Variants in LSM4 observed in about 807,000 individuals in gnomAD.
LSM4 encodes LSM4 homolog, U6 small nuclear RNA and mRNA degradation associated.
LSM4 carries 15 observed loss-of-function variants against 22.3 expected under a neutral mutation model. That is an observed-to-expected ratio of 0.67 (90% CI 0.45 to 1.03). LSM4 has a LOEUF of 1.03. Among genes scored for constraint, LSM4 ranks in the 50% least tolerant of loss-of-function variants. The pLI, the probability that LSM4 is intolerant of heterozygous loss-of-function variation, is 0.00. For synonymous variants in LSM4, 90 were observed against 79.8 expected, an observed-to-expected ratio of 1.13 and a Z score of -0.68; for missense variants, 127 against 198.0, an observed-to-expected ratio of 0.64 and a Z score of 2.15.
At chr19:18,321,219 A>G (rs1970421416) in intron 1 of LSM4, among the ~76,000 whole-genome samples, 1 of 152,226 alleles carries the variant, frequency 6.6e-6, no homozygotes, top group Admixed American at 6.5e-5. Flanking sequence ...CTGGGAATCT[A>G]GTCGGAAGAA....
intron 3 of LSM4, chr19:18,310,166 G>C: frequency 2.6e-6 from 1 of 389,864 alleles, no homozygotes; most frequent in Non-Finnish European, 4.6e-6. Context: ...TGGCTGACTG[G>C]GGCTCCCTCC....
intron 1 of LSM4, among the ~76,000 whole-genome samples, chr19:18,322,319 G>A (rs529781774): frequency 3.5e-4 from 53 of 152,238 alleles, no homozygotes; most frequent in South Asian, 1.0e-3. Flanking sequence ...CTGCACAGTG[G>A]GGGACACGGG....
intron 4 of LSM4, among the ~76,000 whole-genome samples, chr19:18,307,964 A>C (rs527531158): frequency 6.6e-6 from 1 of 151,656 alleles, no homozygotes; most frequent in Admixed American, 6.6e-5. Context: ...GGGGCCTCCT[A>C]TGCGCCACAA....
At chr19:18,312,047 T>C (rs1247257203) in intron 3 of LSM4, 2 of 157,952 alleles carry the variant, frequency 1.3e-5, no homozygotes, top group Non-Finnish European at 2.8e-5. Context: ...CTGTGGGTCA[T>C]CCCAGGGGCA....
At chr19:18,313,796 A>C (rs1160931005) in intron 2 of LSM4, among the ~76,000 whole-genome samples, 1 of 152,108 alleles carries the variant, frequency 6.6e-6, no homozygotes, top group Non-Finnish European at 1.5e-5. Flanking sequence ...GATTATAGGC[A>C]TTAGCCACCA....
chr19:18,316,798 G>T (rs1306342684), intron 1 of LSM4, among the ~76,000 whole-genome samples: 2 of 152,124 alleles, frequency 1.3e-5, no homozygotes, highest in Non-Finnish European at 2.9e-5. Context: ...AGCTGGCCTG[G>T]TCCTGTCTGT....
At position 18,314,446 on chromosome 19, in the gene LSM4, G is replaced by C. The variant is rs1266402892; in HGVS notation, c.45+1578C>G. 3.3e-5 allele frequency among the ~76,000 whole-genome samples: 5 copies of C among 151,862 alleles called. No homozygotes were observed. The South Asian group carries it at 1.0e-3, about 32-fold the overall frequency. ...GGAGGCTGAGGCAGGAAAATGGCGT[G>C]AAACCAGGAGGCGGAGCTTGCAGTG... On this transcript the variant is annotated intron_variant, in intron 2 of 4. Transcript: ENST00000593829.
At chr19:18,322,707 T>C (rs1037069020) in intron 1 of LSM4, among the ~76,000 whole-genome samples, 1 of 151,516 alleles carries the variant, frequency 6.6e-6, no homozygotes, top group Non-Finnish European at 1.5e-5. Context: ...AACTCTCTGC[T>C]GCATTTGGCG....
intron 1 of LSM4, among the ~76,000 whole-genome samples, chr19:18,321,447 C>T (rs1011027250): frequency 3.9e-5 from 6 of 152,188 alleles, no homozygotes; most frequent in African/African-American, 4.8e-5. Context: ...CTAACCTTTA[C>T]GCCATCTTTG....
chr19:18,309,994 C>A, intron 3 of LSM4, 133 bp from the exon 4 acceptor site: 1 of 810,012 alleles, frequency 1.2e-6, no homozygotes, highest in Non-Finnish European at 1.9e-6. Context: ...GTATCAGTCC[C>A]GGGACATACG....
Position 18,307,128 on chromosome 19 carries a change from G to A in LSM4, c.*336C>T. On this transcript the variant is annotated 3_prime_UTR_variant, in exon 5 of 5. Transcript: ENST00000593829. Reference sequence around the variant, plus strand: ...TCCCGTCTGGTTGCTGCTCGGAGAGGCTCCAAGAAATGCAAAACAAACCCG... The same window carrying A: ...TCCCGTCTGGTTGCTGCTCGGAGAGACTCCAAGAAATGCAAAACAAACCCG... 1 of 253,416 alleles carries A rather than the reference G, an allele frequency of 3.9e-6. No individual in the cohort carries two copies. The highest frequency in any genetic ancestry group is 7.5e-6 in the Non-Finnish European group (1 of 133,970). The allele number at this position is 253,416 out of a possible 1,614,324, so 15.7% of individuals were successfully genotyped here. A position where few individuals can be genotyped will look rare whatever the true frequency, so the allele number is the denominator to read the frequency against.
intron 1 of LSM4, among the ~76,000 whole-genome samples, chr19:18,317,425 C>T (rs1159991752): frequency 5.3e-5 from 8 of 151,534 alleles, no homozygotes; most frequent in East Asian, 1.9e-4. Flanking sequence ...CTCCGCCTCC[C>T]GGGTTCATGC....
In LSM4 at chr19:18,312,946, C is replaced by T. The variant is rs374473285; in HGVS notation, c.46-244G>A. On this transcript the variant is annotated intron_variant, in intron 2 of 4. Transcript: ENST00000593829. Reference sequence around the variant, plus strand: ...AATTAAAAAATGATACTGGGCCGGGCGCGGTGGCTCACGCCTGTAATCCCA... The same window carrying T: ...AATTAAAAAATGATACTGGGCCGGGTGCGGTGGCTCACGCCTGTAATCCCA... Among the ~76,000 whole-genome samples the T allele has an allele frequency of 1.3e-3, 200 of 152,334 alleles. 1 individual carries two copies. The highest frequency in any genetic ancestry group is 4.3e-3 in the African/African-American group (180 of 41,574).
chr19:18,307,129 C>A lies in LSM4; in HGVS notation c.*335G>T, dbSNP rs1970235203. 7.8e-6 allele frequency: 2 copies of A among 255,666 alleles called. No homozygotes were observed. Among genetic ancestry groups the A allele is most frequent in the Admixed American group, 5.5e-5 (1 of 18,256 alleles). The allele number at this position is 255,666 out of a possible 1,614,324, so 15.8% of individuals were successfully genotyped here. ...CCCGTCTGGTTGCTGCTCGGAGAGG[C>A]TCCAAGAAATGCAAAACAAACCCGC... is the stretch of plus-strand genomic sequence containing the variant. On this transcript the variant is annotated 3_prime_UTR_variant, in exon 5 of 5. Coordinates refer to ENST00000593829, the MANE Select transcript of LSM4 (RefSeq NM_012321.5).
chr19:18,313,973 T>G (rs191651653), intron 2 of LSM4, among the ~76,000 whole-genome samples: 1 of 152,088 alleles, frequency 6.6e-6, no homozygotes, highest in East Asian at 2.0e-4. Context: ...GCGCCTGCCA[T>G]CACGCCCAGC....
intron 2 of LSM4, among the ~76,000 whole-genome samples, chr19:18,315,262 G>A (rs1970342378): frequency 6.6e-6 from 1 of 152,052 alleles, no homozygotes. Flanking sequence ...TGATCCTCCT[G>A]CCTTAGGCTC....
chr19:18,307,360 C>A lies in LSM4; in HGVS notation c.*104G>T. The A allele has an allele frequency of 1.1e-6, 1 of 914,774 alleles. No individual in the cohort carries two copies. The highest frequency in any genetic ancestry group is 1.5e-6 in the Non-Finnish European group (1 of 679,210). 56.7% of individuals were successfully genotyped at this position (914,774 alleles called of 1,614,324 possible). On this transcript the variant is annotated 3_prime_UTR_variant, in exon 5 of 5. Transcript: ENST00000593829. ...GGGTCACAAAACACGAAGGGGGTTCCCCCTGGCGCCTGCCTCTTCCTTTCT... is the reference window on the plus strand; with the variant it reads ...GGGTCACAAAACACGAAGGGGGTTCACCCTGGCGCCTGCCTCTTCCTTTCT...
rs566203260 is a variant in LSM4, at chr19:18,313,370, C to A, written c.46-668G>T. Among the ~76,000 whole-genome samples, 38 of 152,306 alleles carry A rather than the reference C, an allele frequency of 2.5e-4. 1 individual carries two copies. The highest frequency in any genetic ancestry group is 2.0e-3 in the Admixed American group (31 of 15,288). On this transcript the variant is annotated intron_variant, in intron 2 of 4. Transcript: ENST00000593829. Reference sequence around the variant, plus strand: ...ACAGCTGGGCTGGTCCTGGCAGGCACCCCCACAACACCAGATATTTGGGCT... The same window carrying A: ...ACAGCTGGGCTGGTCCTGGCAGGCAACCCCACAACACCAGATATTTGGGCT...
chr19:18,312,387 C>T (rs953760687), intron 3 of LSM4: 79 of 522,330 alleles, frequency 1.5e-4, no homozygotes, highest in Admixed American at 6.6e-5. Context: ...AACAGACACA[C>T]AGCAGGAAAG....
Sources: gnomAD v4.1 joint callset for allele counts (sites outside exome capture counted in the v4.1 genomes callset) on GRCh38, gnomAD v4.1.1 for gene constraint, MANE v1.5 for transcripts, NCBI Gene and HGNC (gene_info 2026-07-23, HGNC 2026-07-21) for gene names.